Variants in RALGPS1 observed in about 807,000 individuals in gnomAD.
RALGPS1 encodes the protein ras-specific guanine nucleotide-releasing factor RalGPS1.
RALGPS1 carries 19 observed loss-of-function variants against 78.8 expected under a neutral mutation model. The observed-to-expected ratio is 0.24, with a 90% confidence interval of 0.17 to 0.35. The LOEUF is 0.35. RALGPS1 is among the 10% of genes least tolerant of loss of function. The probability of loss-of-function intolerance (pLI) is 1.00; values close to 1 mark genes in which losing one functional copy is unlikely to be tolerated. For missense variants in RALGPS1, 454 were observed against 688.3 expected (o/e 0.66, Z 3.81); for synonymous variants, 228 against 256.3 (o/e 0.89, Z 1.06).
chr9:127,216,763 G>C (rs537309114), intron 18 of RALGPS1: 23 of 704,756 alleles, frequency 3.3e-5, no homozygotes, highest in Non-Finnish European at 3.3e-5. Flanking sequence ...CAAGGCTGCC[G>C]CCGCCCCAGC....
At chr9:127,165,943 C>T in intron 8 of RALGPS1, 126 bp from the exon 9 acceptor site, 2 of 1,352,080 alleles carry the variant, frequency 1.5e-6, no homozygotes, top group Non-Finnish European at 1.9e-6. Context: ...AATTAAAGTC[C>T]AAATATTATC....
intron 5 of RALGPS1, among the ~76,000 whole-genome samples, chr9:127,046,672 CA>C (rs71377987): frequency 0.17 from 6,840 of 40,456 alleles, 130 homozygotes; most frequent in African/African-American, 0.22. Flanking sequence ...CCCATCCATA[CA>C]AAAAAAAAAA....
chr9:126,935,834 G>A (rs1173842259), intron 1 of RALGPS1, among the ~76,000 whole-genome samples: 1 of 152,230 alleles, frequency 6.6e-6, no homozygotes, highest in East Asian at 1.9e-4. Context: ...CTCAAGGTCC[G>A]TCTCTGGCTC....
intron 4 of RALGPS1, among the ~76,000 whole-genome samples, chr9:127,013,483 C>G (rs1255502687): frequency 6.6e-6 from 1 of 152,112 alleles, no homozygotes; most frequent in Non-Finnish European, 1.5e-5. Context: ...GTTATTGACG[C>G]CCCCTCTCTC....
At chr9:126,930,131 A>G (rs1251848131) in intron 1 of RALGPS1, among the ~76,000 whole-genome samples, 2 of 151,180 alleles carry the variant, frequency 1.3e-5, no homozygotes, top group African/African-American at 4.9e-5. Context: ...GAGCCTGGCT[A>G]CTGGGATTCT....
chr9:126,947,341 C>A (rs1345232508), intron 1 of RALGPS1, among the ~76,000 whole-genome samples: 1 of 152,172 alleles, frequency 6.6e-6, no homozygotes, highest in African/African-American at 2.4e-5. Context: ...CTCTGAAAAT[C>A]TGAAATAAAA....
intron 11 of RALGPS1, among the ~76,000 whole-genome samples, chr9:127,193,733 C>T (rs2140489547): frequency 6.6e-6 from 1 of 152,218 alleles, no homozygotes; most frequent in Middle Eastern, 3.4e-3. Context: ...GGGCTTGGGC[C>T]TTATGGGTCC....
chr9:127,168,814 C>T, intron 10 of RALGPS1, 42 bp downstream of exon 10: 1 of 1,522,640 alleles, frequency 6.6e-7, no homozygotes, highest in Non-Finnish European at 9.1e-7. Flanking sequence ...CCCAGCCCCA[C>T]TTTTGTCCTT....
At chr9:127,110,356 G>A (rs1375719128) in intron 8 of RALGPS1, among the ~76,000 whole-genome samples, 3 of 152,150 alleles carry the variant, frequency 2.0e-5, no homozygotes, top group East Asian at 3.9e-4. Flanking sequence ...CCTGCCTCCT[G>A]TCTTGCCGGC....
At chr9:127,150,264 C>G (rs2058343800) in intron 8 of RALGPS1, among the ~76,000 whole-genome samples, 1 of 152,216 alleles carries the variant, frequency 6.6e-6, no homozygotes, top group Non-Finnish European at 1.5e-5. Context: ...GACCCAGGAG[C>G]CTCATTTGAG....
Position 127,212,269 on chromosome 9 carries a change from G to A in RALGPS1, c.1353+33G>A. ...CAGACCCACATCCACCGGGGCAGCA[G>A]GGGCTTCCACATCTGTAAATAGTGC... On this transcript the variant is annotated intron_variant, in intron 15 of 18. Coordinates refer to ENST00000259351, the MANE Select transcript of RALGPS1 (RefSeq NM_014636.3). The surrounding 1 kb of genome is among the most constrained non-coding windows in gnomAD (Gnocchi z 6.0). The A allele has an allele frequency of 6.5e-7, 1 of 1,527,538 alleles. No individual in the cohort carries two copies. Among genetic ancestry groups the A allele is most frequent in the Non-Finnish European group, 9.0e-7 (1 of 1,114,348 alleles). 94.6% of individuals were successfully genotyped at this position (1,527,538 alleles called of 1,614,324 possible).
intron 8 of RALGPS1, among the ~76,000 whole-genome samples, chr9:127,093,366 G>A (rs542203318): frequency 4.6e-5 from 7 of 152,282 alleles, no homozygotes; most frequent in East Asian, 1.9e-4. Flanking sequence ...GGCTTTGAGA[G>A]CGGGTCTTTC....
At chr9:127,138,843 A>G (rs1035486610) in intron 8 of RALGPS1, among the ~76,000 whole-genome samples, 3 of 152,204 alleles carry the variant, frequency 2.0e-5, no homozygotes, top group African/African-American at 7.2e-5. Flanking sequence ...AGCTCATGGT[A>G]GCCATTCTCA....
At chr9:126,998,268 T>C (rs981102121) in intron 4 of RALGPS1, among the ~76,000 whole-genome samples, 2 of 151,994 alleles carry the variant, frequency 1.3e-5, no homozygotes, top group Non-Finnish European at 2.9e-5. Context: ...TGCAACCTAC[T>C]CATCTGACAA....
intron 13 of RALGPS1, 70 bp from the exon 14 acceptor site, chr9:127,198,945 C>A (rs767344256): frequency 1.4e-5 from 19 of 1,403,678 alleles, no homozygotes; most frequent in Non-Finnish European, 1.7e-5. Flanking sequence ...GGCCTGGGCT[C>A]GGTGACCCAG....
At chr9:127,190,144 T>C (rs925617522) in intron 11 of RALGPS1, among the ~76,000 whole-genome samples, 3 of 152,224 alleles carry the variant, frequency 2.0e-5, no homozygotes, top group Non-Finnish European at 4.4e-5. Flanking sequence ...TCCCTACAGT[T>C]ACTGCTGTGC....
At chr9:127,071,939 C>T (rs1054561821) in intron 8 of RALGPS1, among the ~76,000 whole-genome samples, 1 of 152,212 alleles carries the variant, frequency 6.6e-6, no homozygotes, top group Non-Finnish European at 1.5e-5. Flanking sequence ...CATAAAGAAA[C>T]CCCACGCCCA....
chr9:127,000,652 G>A (rs1588942695), intron 4 of RALGPS1, among the ~76,000 whole-genome samples: 1 of 136,570 alleles, frequency 7.3e-6, no homozygotes, highest in East Asian at 2.3e-4. Context: ...AGGTTCAAGC[G>A]ATTCTCCTGC....
intron 11 of RALGPS1, among the ~76,000 whole-genome samples, chr9:127,182,463 T>A (rs1163656012): frequency 2.8e-5 from 4 of 144,148 alleles, no homozygotes; most frequent in Non-Finnish European, 6.0e-5. Flanking sequence ...GGAGTCTCGC[T>A]CTGTCACCCA....
Sources: gnomAD v4.1 joint callset for allele counts (sites outside exome capture counted in the v4.1 genomes callset) on GRCh38, gnomAD v4.1.1 for gene constraint, Gnocchi (gnomAD v3.1) non-coding constraint, MANE v1.5 for transcripts, NCBI Gene and HGNC (gene_info 2026-07-23, HGNC 2026-07-21) for gene names.